The following HDAC4 variants were observed in gnomAD, a reference collection of about 807,000 sequenced individuals.
HDAC4 encodes the protein histone deacetylase 4, also known as histone deacetylase A.
In HDAC4, 16 loss-of-function variants were observed where a neutral mutation model predicts 135.1. The ratio of observed to expected loss-of-function variants is 0.12; its 90% confidence interval spans 0.08 to 0.18. HDAC4 has a LOEUF of 0.18. Ranked by LOEUF, HDAC4 falls within the 10% of genes least tolerant of loss-of-function variation. The pLI, the probability that HDAC4 is intolerant of heterozygous loss-of-function variation, is 1.00. For missense variants in HDAC4, 1,143 were observed against 1,511.8 expected (o/e 0.76, Z 4.05); for synonymous variants, 685 against 653.4 (o/e 1.05, Z -0.74).
chr2:239,056,813 C>T (rs1474856640), intron 24 of HDAC4, among the ~76,000 whole-genome samples: 3 of 152,190 alleles, frequency 2.0e-5, no homozygotes, highest in African/African-American at 7.2e-5. Context: ...TGATCAAGGT[C>T]AGTGAGCCGT....
At chr2:239,396,964 T>C (rs1696601086) in intron 1 of HDAC4, among the ~76,000 whole-genome samples, 1 of 152,192 alleles carries the variant, frequency 6.6e-6, no homozygotes, top group African/African-American at 2.4e-5. Flanking sequence ...GAGAAGAACA[T>C]GATGTCTTCT....
At position 239,374,466 on chromosome 2, in the gene HDAC4, G is replaced by C. The variant is rs1002152819; in HGVS notation, c.-219-21548C>G. Among the ~76,000 whole-genome samples, 9 of 130,942 alleles carry C rather than the reference G, an allele frequency of 6.9e-5. No homozygotes were observed. In the South Asian group the frequency reaches 1.0e-3, roughly 15 times the overall value. 85.9% of individuals were successfully genotyped at this position (130,942 alleles called of 152,430 possible). A position where few individuals can be genotyped will look rare whatever the true frequency, so the allele number is the denominator to read the frequency against. On this transcript the variant is annotated intron_variant, in intron 1 of 26. Coordinates refer to ENST00000543185, the MANE Select transcript of HDAC4 (RefSeq NM_001378414.1). ...TCGCCCAGGCTGGAGTGCAGTGGCGGGATCTCGGCTCACTGCAAGCTCCGC... is the reference window on the plus strand; with the variant it reads ...TCGCCCAGGCTGGAGTGCAGTGGCGCGATCTCGGCTCACTGCAAGCTCCGC...
intron 2 of HDAC4, among the ~76,000 whole-genome samples, chr2:239,279,024 A>G (rs2125334384): frequency 6.6e-6 from 1 of 152,350 alleles, no homozygotes; most frequent in Middle Eastern, 3.4e-3. Context: ...AAAACCAGAA[A>G]GAAAGAAAAG....
chr2:239,105,931 A>T (rs940910268), intron 15 of HDAC4, among the ~76,000 whole-genome samples: 1 of 152,146 alleles, frequency 6.6e-6, no homozygotes, highest in Admixed American at 6.5e-5. Flanking sequence ...CTGAACCTGG[A>T]GGGGCACCCG....
Position 239,352,793 on chromosome 2 carries a change from A to G in HDAC4, c.-94T>C. Reference sequence around the variant, plus strand: ...ACGAGCTCCAAACTCCCACCAACACATACAAGTACCGGGACGGTGAGGGCT... The same window carrying G: ...ACGAGCTCCAAACTCCCACCAACACGTACAAGTACCGGGACGGTGAGGGCT... On this transcript the variant is annotated 5_prime_UTR_variant, in exon 2 of 27. It removes an upstream start codon present in the reference 5' UTR. Coordinates refer to ENST00000543185, the MANE Select transcript of HDAC4 (RefSeq NM_001378414.1). The surrounding 1 kb of genome is among the most constrained non-coding windows in gnomAD (Gnocchi z 4.4). 2 of 1,223,658 alleles carry G rather than the reference A, an allele frequency of 1.6e-6. No individual in the cohort carries two copies. The highest frequency in any genetic ancestry group is 2.4e-6 in the Non-Finnish European group (2 of 848,670). The allele number at this position is 1,223,658 out of a possible 1,614,324, so 75.8% of individuals were successfully genotyped here.
At chr2:239,334,457 G>T (rs922171696) in intron 2 of HDAC4, among the ~76,000 whole-genome samples, 3 of 151,828 alleles carry the variant, frequency 2.0e-5, no homozygotes, top group African/African-American at 7.3e-5. Flanking sequence ...GGAGGCGGAG[G>T]TTGCAGTGAG....
At chr2:239,119,512 G>A (rs2039442149) in intron 12 of HDAC4, among the ~76,000 whole-genome samples, 1 of 151,612 alleles carries the variant, frequency 6.6e-6, no homozygotes, top group Admixed American at 6.6e-5. Flanking sequence ...AGGGCGCGGG[G>A]ACCAGAGCTC....
intron 2 of HDAC4, among the ~76,000 whole-genome samples, chr2:239,272,882 G>A (rs956521648): frequency 6.6e-6 from 1 of 152,162 alleles, no homozygotes; most frequent in African/African-American, 2.4e-5. Context: ...CTCGTCCCAA[G>A]CTGTCCCTAT....
Position 239,102,888 on chromosome 2 carries a change from G to A in HDAC4, c.2121C>T (p.Arg707=), listed in dbSNP as rs773658502. The change falls in exon 16 of 27, where the codon CGC becomes CGT. Residue 707 remains arginine (R), a synonymous_variant. Coordinates refer to ENST00000543185, the MANE Select transcript of HDAC4 (RefSeq NM_001378414.1). ...TGLRGKCECI[R]GRKATLEELQ... ...GCTCCTCCAGGGTGGCCTTGCGTCC[G>A]CGGATGCACTGTGGGGACAGGCGAG... is the stretch of plus-strand genomic sequence containing the variant. The A allele has an allele frequency of 3.5e-5, 57 of 1,613,882 alleles. No homozygotes were observed. Among genetic ancestry groups the A allele is most frequent in the Non-Finnish European group, 4.5e-5 (53 of 1,180,008 alleles).
rs112257947 is a variant in HDAC4 at position 239,232,874 on chromosome 2, C to G, written c.94+3719G>C. On this transcript the variant is annotated intron_variant, in intron 3 of 26. Coordinates refer to ENST00000543185, the MANE Select transcript of HDAC4 (RefSeq NM_001378414.1). ...AAGCCAAGGGTGGCCCTTCCCCTCA[C>G]CAAGCCAAGGGTGGCCCTTCCCTCA... is the stretch of plus-strand genomic sequence containing the variant. Among the ~76,000 whole-genome samples the G allele has an allele frequency of 4.8e-4, 59 of 123,820 alleles. No homozygotes were observed. The East Asian group carries it at 5.8e-3, about 12-fold the overall frequency. The allele number at this position is 123,820 out of a possible 152,430, so 81.2% of individuals were successfully genotyped here.
rs991796552 is a variant in HDAC4, at chr2:239,156,257, G to A, written c.733+395C>T. The stretch of plus-strand genomic sequence containing the variant: ...GGCCCTGCTGCTGGCACTGCCCAGC[G>A]CCATCCCTGAAGGCCACAGGCTCAC... On this transcript the variant is annotated intron_variant, in intron 7 of 26. Transcript: ENST00000543185. 6.6e-5 allele frequency among the ~76,000 whole-genome samples: 10 copies of A among 152,166 alleles called. No homozygotes were observed. In the South Asian group the frequency reaches 1.7e-3, roughly 25 times the overall value.
intron 5 of HDAC4, among the ~76,000 whole-genome samples, chr2:239,166,899 A>C (rs558804704): frequency 1.2e-4 from 18 of 152,368 alleles, no homozygotes; most frequent in Non-Finnish European, 2.6e-4. Flanking sequence ...ATAAGAAGTG[A>C]AATGGGTAAC....
At chr2:239,360,559 T>C (rs1016240805) in intron 1 of HDAC4, among the ~76,000 whole-genome samples, 2 of 152,218 alleles carry the variant, frequency 1.3e-5, no homozygotes, top group African/African-American at 4.8e-5. Context: ...CAAGTTCCAC[T>C]GAGAGCAAAC....
intron 4 of HDAC4, among the ~76,000 whole-genome samples, chr2:239,188,463 C>G (rs889818861): frequency 1.3e-5 from 2 of 152,238 alleles, no homozygotes; most frequent in Non-Finnish European, 2.9e-5. Flanking sequence ...ACACTAATAT[C>G]TGTGTGTGGG....
At chr2:239,153,324 A>T (rs1320649355) in intron 7 of HDAC4, among the ~76,000 whole-genome samples, 1 of 152,246 alleles carries the variant, frequency 6.6e-6, no homozygotes, top group African/African-American at 2.4e-5. Context: ...CCGGGTCAGG[A>T]TAAGTTAATG....
rs538364057 is a variant in HDAC4, at chr2:239,188,859, C to T, written c.339+974G>A. On this transcript the variant is annotated intron_variant, in intron 4 of 26. Transcript: ENST00000543185. ...ATGAGGACCTCAGGCCTCCTGCCTG[C>T]GGCCATGTGAGTGAGCCTGAATGGA... Among the ~76,000 whole-genome samples, 446 of 152,334 alleles carry T rather than the reference C, an allele frequency of 2.9e-3. 2 individuals are homozygous for T. Among genetic ancestry groups the T allele is most frequent in the African/African-American group, 0.01 (429 of 41,560 alleles).
chr2:239,166,499 G>A (rs1004886532), intron 5 of HDAC4, among the ~76,000 whole-genome samples: 17 of 152,104 alleles, frequency 1.1e-4, no homozygotes, highest in African/African-American at 3.9e-4. Context: ...GCGGTGGGGG[G>A]ACAGGAGGGA....
Position 239,050,438 on chromosome 2 carries a change from T to G in HDAC4, c.*2659A>C, listed in dbSNP as rs1373002962. 1 of 152,356 alleles carries G rather than the reference T, an allele frequency of 6.6e-6. No individual in the cohort carries two copies. Among genetic ancestry groups the G allele is most frequent in the Non-Finnish European group, 1.5e-5 (1 of 68,072 alleles). The allele number at this position is 152,356 out of a possible 1,614,324, so 9.4% of individuals were successfully genotyped here. On this transcript the variant is annotated 3_prime_UTR_variant, in exon 27 of 27. Transcript: ENST00000543185. ...GAGCCTGCTAGCTGGGCCCTGCCAC[T>G]GCTCTGTGCCATGAATGGGGAATGG...
At chr2:239,173,564 C>T (rs1048148594) in intron 5 of HDAC4, among the ~76,000 whole-genome samples, 1 of 152,078 alleles carries the variant, frequency 6.6e-6, no homozygotes, top group Non-Finnish European at 1.5e-5. Context: ...AATACAAAGC[C>T]CCTACAGAAA....
Sources: gnomAD v4.1 joint callset for allele counts (sites outside exome capture counted in the v4.1 genomes callset) on GRCh38, gnomAD v4.1.1 for gene constraint, Gnocchi (gnomAD v3.1) non-coding constraint, MANE v1.5 for transcripts, NCBI Gene and HGNC (gene_info 2026-07-23, HGNC 2026-07-21) for gene names.